TCF7L2: variants seen among roughly 807,000 people sequenced by gnomAD.
The protein encoded by TCF7L2 is transcription factor 7 like 2, also known as transcription factor 7-like 2.
Under a neutral mutation model 77.9 loss-of-function variants are expected in TCF7L2, and 23 were observed. The ratio of observed to expected loss-of-function variants is 0.30; its 90% confidence interval spans 0.21 to 0.42. TCF7L2 has a LOEUF of 0.42. Among genes scored for constraint, TCF7L2 ranks in the 10% least tolerant of loss-of-function variants. The pLI is 1.00. For synonymous variants in TCF7L2, 413 were observed against 340.2 expected (o/e 1.21, Z -2.36); for missense variants, 654 against 793.1 (o/e 0.82, Z 2.11).
intron 5 of TCF7L2, among the ~76,000 whole-genome samples, chr10:113,055,281 C>T (rs770595670): frequency 6.6e-6 from 1 of 152,198 alleles, no homozygotes; most frequent in African/African-American, 2.4e-5. Flanking sequence ...CACACCAATG[C>T]TTGATCCTGT....
chr10:112,951,134 CT>C (rs2134188906), intron 1 of TCF7L2, 72 bp from the exon 2 acceptor site: 1 of 1,286,080 alleles, frequency 7.8e-7, no homozygotes, highest in South Asian at 1.3e-5. Context: ...CTCGCCGATT[CT>C]TTTTCTCCCC....
chr10:113,098,303 G>T (rs1363456048), intron 5 of TCF7L2, among the ~76,000 whole-genome samples: 1 of 152,028 alleles, frequency 6.6e-6, no homozygotes. Flanking sequence ...GATCTTCCTT[G>T]GTCAGGTCAC....
At position 113,117,430 on chromosome 10, in the gene TCF7L2, TC is replaced by T. The variant is rs1564916555; in HGVS notation, c.553-23753del. 1.1e-4 allele frequency among the ~76,000 whole-genome samples: 4 copies of T among 34,878 alleles called. 1 individual carries two copies. Among genetic ancestry groups the T allele is most frequent in the African/African-American group, 3.7e-4 (3 of 8,040 alleles). The allele number at this position is 34,878 out of a possible 152,430, so 22.9% of individuals were successfully genotyped here. On this transcript the variant is annotated intron_variant, in intron 5 of 13. Coordinates refer to ENST00000627217, the MANE Select transcript of TCF7L2 (RefSeq NM_001146274.2). Reference sequence around the variant, plus strand: ...CTCTCTCTCTCTCTCTCTCTCTCTCTCTCCCTCTCTCTCTCTCTCTCTCTCT... The same window carrying T: ...CTCTCTCTCTCTCTCTCTCTCTCTCTTCCCTCTCTCTCTCTCTCTCTCTCT...
chr10:112,999,735 A>G (rs1364962437), intron 4 of TCF7L2, among the ~76,000 whole-genome samples: 2 of 152,156 alleles, frequency 1.3e-5, no homozygotes, highest in African/African-American at 2.4e-5. Flanking sequence ...TTGAGTATAA[A>G]CCTCGGGAAC....
rs1427214163 is a variant in TCF7L2 at position 113,151,879 on chromosome 10, C to T, written c.1156C>T (p.Arg386Trp). The change falls in exon 10 of 14, where the codon CGG becomes TGG. Residue 386 changes from arginine (R) to tryptophan (W), a missense_variant. Around this residue, in one of 6 missense-constraint regions of TCF7L2, gnomAD observed 31 missense variants for 116.1 expected, o/e 0.27. Coordinates refer to ENST00000627217, the MANE Select transcript of TCF7L2 (RefSeq NM_001146274.2). This position sits in a 1 kb window ranked among gnomAD's most constrained non-coding sequence, Gnocchi z 5.2. ...CGCGGCCATCAACCAGATCCTTGGGCGGAGGGTAGGTGACGCCCTTCTCAG... is the reference window on the plus strand; with the variant it reads ...CGCGGCCATCAACCAGATCCTTGGGTGGAGGGTAGGTGACGCCCTTCTCAG... The T allele has an allele frequency of 1.3e-6, 2 of 1,583,708 alleles. No individual in the cohort carries two copies. Among genetic ancestry groups the T allele is most frequent in the African/African-American group, 1.4e-5 (1 of 73,322 alleles).
intron 4 of TCF7L2, among the ~76,000 whole-genome samples, chr10:112,965,551 T>G (rs1391925217): frequency 6.6e-6 from 1 of 152,148 alleles, no homozygotes; most frequent in Non-Finnish European, 1.5e-5. Context: ...GATGTTGGTT[T>G]GTTAGATCAT....
chr10:113,061,544 G>T (rs951278994), intron 5 of TCF7L2, among the ~76,000 whole-genome samples: 1 of 152,116 alleles, frequency 6.6e-6, no homozygotes, highest in Non-Finnish European at 1.5e-5. Context: ...AGTAATTGTC[G>T]CAGGTATTAG....
intron 5 of TCF7L2, among the ~76,000 whole-genome samples, chr10:113,051,618 CT>C (rs2054496396): frequency 6.6e-6 from 1 of 152,166 alleles, no homozygotes; most frequent in Admixed American, 6.5e-5. Flanking sequence ...CGTCTGAGGA[CT>C]GTTTTAAGGA....
At chr10:113,044,430 A>G (rs2053062480) in intron 5 of TCF7L2, among the ~76,000 whole-genome samples, 1 of 152,160 alleles carries the variant, frequency 6.6e-6, no homozygotes, top group African/African-American at 2.4e-5. Flanking sequence ...TATTAAACAC[A>G]TGCGCTGTTT....
chr10:113,053,283 G>A (rs961223657), intron 5 of TCF7L2, among the ~76,000 whole-genome samples: 1 of 152,158 alleles, frequency 6.6e-6, no homozygotes, highest in African/African-American at 2.4e-5. Flanking sequence ...GGCCAGCACC[G>A]CATACGGAGG....
intron 4 of TCF7L2, among the ~76,000 whole-genome samples, chr10:112,989,465 T>C (rs1287725912): frequency 2.0e-5 from 3 of 149,892 alleles, no homozygotes; most frequent in African/African-American, 5.1e-5. Flanking sequence ...TTTACTCTTA[T>C]ATGAGCAGGA....
intron 5 of TCF7L2, among the ~76,000 whole-genome samples, chr10:113,107,259 G>T (rs2062449811): frequency 6.6e-6 from 1 of 152,142 alleles, no homozygotes; most frequent in Non-Finnish European, 1.5e-5. Flanking sequence ...GGTACTGGGT[G>T]GGTGGGTGGC....
At chr10:113,084,493 C>T (rs951993564) in intron 5 of TCF7L2, among the ~76,000 whole-genome samples, 2 of 152,208 alleles carry the variant, frequency 1.3e-5, no homozygotes, top group East Asian at 1.9e-4. Flanking sequence ...TCAAGGAGGA[C>T]CATCCGCCTT....
At chr10:112,966,208 A>ATATATATATATATATATATATATT (rs1352234471) in intron 4 of TCF7L2, among the ~76,000 whole-genome samples, 1 of 120,376 alleles carries the variant, frequency 8.3e-6, no homozygotes, top group African/African-American at 3.3e-5. Context: ...ATATATATAT[A>ATATATATATATATATATATATATT]TATTTTCTTT....
In TCF7L2 at chr10:113,135,902, G is replaced by A. The variant is rs548627484; in HGVS notation, c.553-5282G>A. Among the ~76,000 whole-genome samples, 4 of 152,270 alleles carry A rather than the reference G, an allele frequency of 2.6e-5. 1 individual carries two copies. The highest frequency in any genetic ancestry group is 7.2e-5 in the African/African-American group (3 of 41,558). ...TGGGAGTTTGAGGACAGATCCCACCGAGAGTCCTGAAGCAGCTGTATCCAA... is the reference window on the plus strand; with the variant it reads ...TGGGAGTTTGAGGACAGATCCCACCAAGAGTCCTGAAGCAGCTGTATCCAA... On this transcript the variant is annotated intron_variant, in intron 5 of 13. Transcript: ENST00000627217.
Position 113,084,911 on chromosome 10 carries a change from A to C in TCF7L2, c.552+44785A>C, listed in dbSNP as rs201205342. Among the ~76,000 whole-genome samples the C allele has an allele frequency of 5.0e-3, 667 of 132,502 alleles. 4 individuals carry two copies. Among genetic ancestry groups the C allele is most frequent in the African/African-American group, 0.014 (452 of 32,294 alleles). 86.9% of individuals were successfully genotyped at this position (132,502 alleles called of 152,430 possible). ...ACTCTGTCTCAAGCCACCCCCCCCC[A>C]AAAAAAAAAAACAAAAAACCCTGAC... On this transcript the variant is annotated intron_variant, in intron 5 of 13. Transcript: ENST00000627217.
At position 112,950,781 on chromosome 10, in the gene TCF7L2, G is replaced by T; in HGVS notation, c.25G>T (p.Gly9Trp). Reference sequence around the variant, plus strand: ...AATGCCGCAGCTGAACGGCGGTGGAGGGGATGACCTAGGCGCCAACGACGA... The same window carrying T: ...AATGCCGCAGCTGAACGGCGGTGGATGGGATGACCTAGGCGCCAACGACGA... Residue 9 changes from glycine to tryptophan, a missense_variant, in exon 1 of 14, where the codon GGG (glycine) becomes TGG (tryptophan). Transcript: ENST00000627217. The T allele has an allele frequency of 6.3e-7, 1 of 1,581,562 alleles. No homozygotes were observed. Among genetic ancestry groups the T allele is most frequent in the East Asian group, 2.3e-5 (1 of 44,404 alleles).
At chr10:113,118,108 G>A (rs74157220) in intron 5 of TCF7L2, among the ~76,000 whole-genome samples, 1 of 152,096 alleles carries the variant, frequency 6.6e-6, no homozygotes, top group Non-Finnish European at 1.5e-5. Flanking sequence ...CCAGCAGACG[G>A]GGTCGAGAAT....
At chr10:113,094,014 C>T (rs537290208) in intron 5 of TCF7L2, among the ~76,000 whole-genome samples, 29 of 152,300 alleles carry the variant, frequency 1.9e-4, no homozygotes, top group African/African-American at 6.5e-4. Context: ...GCACTCTGTC[C>T]TGATTTTGTG....
Sources: gnomAD v4.1 joint callset for allele counts (sites outside exome capture counted in the v4.1 genomes callset) on GRCh38, gnomAD v4.1.1 for gene constraint, gnomAD v4.1.1 regional missense constraint, Gnocchi (gnomAD v3.1) non-coding constraint, MANE v1.5 for transcripts, NCBI Gene and HGNC (gene_info 2026-07-23, HGNC 2026-07-21) for gene names.